The following DUSP4 variants were observed in gnomAD, a reference collection of about 807,000 sequenced individuals.
The protein encoded by DUSP4 is dual specificity phosphatase 4, also known as dual specificity protein phosphatase 4.
Under a neutral mutation model 27.2 loss-of-function variants are expected in DUSP4, and 12 were observed. The ratio of observed to expected loss-of-function variants is 0.44; its 90% confidence interval spans 0.28 to 0.71. The LOEUF (loss-of-function observed/expected upper bound fraction) is 0.71. DUSP4 is among the 30% of genes least tolerant of loss of function. The pLI, the probability that DUSP4 is intolerant of heterozygous loss-of-function variation, is 0.14. For missense variants in DUSP4, 448 were observed against 551.3 expected, an observed-to-expected ratio of 0.81 and a Z score of 1.88; for synonymous variants, 257 against 245.2, an observed-to-expected ratio of 1.05 and a Z score of -0.45.
In DUSP4 at chr8:29,337,359, G is replaced by A; in HGVS notation, c.852C>T (p.Ile284=). The change falls in exon 4 of 4, where the codon ATC becomes ATT. Residue 284 remains isoleucine, a synonymous_variant. Coordinates refer to ENST00000240100, the MANE Select transcript of DUSP4 (RefSeq NM_001394.7). The surrounding 1 kb of genome is among the most constrained non-coding windows in gnomAD (Gnocchi z 6.4). ...CCAGGCAGATGGTGGCCGACCGCGA[G>A]ATGCCCGCCTGGCAGTGCACCAGCA... ...GRVLVHCQAG[I]SRSATICLAY... The A allele has an allele frequency of 6.2e-7, 1 of 1,611,020 alleles. No homozygotes were observed.
chr8:29,342,468 C>T (rs754897772), intron 1 of DUSP4, among the ~76,000 whole-genome samples: 5 of 152,072 alleles, frequency 3.3e-5, no homozygotes, highest in African/African-American at 4.8e-5. Context: ...GGGGTGCCCT[C>T]GGATGCCCTC....
intron 1 of DUSP4, among the ~76,000 whole-genome samples, chr8:29,342,261 T>A (rs1300768589): frequency 1.3e-5 from 2 of 152,184 alleles, no homozygotes; most frequent in African/African-American, 4.8e-5. Context: ...GGCTCTGCCA[T>A]GAGGTTGCAC....
intron 1 of DUSP4, among the ~76,000 whole-genome samples, chr8:29,341,739 G>A (rs867920422): frequency 6.6e-6 from 1 of 152,264 alleles, no homozygotes. Flanking sequence ...CACCACTGCT[G>A]CCCAAAATGC....
Position 29,349,998 on chromosome 8 carries a change from C to G in DUSP4, c.281G>C (p.Arg94Pro). The G allele has an allele frequency of 1.3e-6, 2 of 1,595,222 alleles. No homozygotes were observed. Among genetic ancestry groups the G allele is most frequent in the South Asian group, 1.1e-5 (1 of 89,584 alleles). ...GTAGAGGCCGGAGCGCAAGCGGGCGCGTACCTCCTCCTCGGCGGGCAGGAT... is the reference window on the plus strand; with the variant it reads ...GTAGAGGCCGGAGCGCAAGCGGGCGGGTACCTCCTCCTCGGCGGGCAGGAT... ...EQILPAEEEVRARLRSGLYSA... is the reference protein window; with the variant it reads ...EQILPAEEEVPARLRSGLYSA... The change falls in exon 1 of 4, where the codon CGC becomes CCC. Residue 94 changes from arginine to proline, a missense_variant. Around this residue, in one of 3 missense-constraint regions of DUSP4, gnomAD observed 345 missense variants for 394.0 expected, o/e 0.88. Transcript: ENST00000240100.
chr8:29,345,941 A>ATATTTGCAAGCAGAAAGGCTATT (rs148467060), intron 1 of DUSP4: 4 of 987,990 alleles, frequency 4.0e-6, no homozygotes, highest in Non-Finnish European at 4.8e-6. Flanking sequence ...AGAAACTACC[A>ATATTTGCAAGCAGAAAGGCTATT]TATTTGCAAG....
Position 29,350,333 on chromosome 8 carries a change from C to A in DUSP4, c.-55G>T. 1 of 1,508,932 alleles carries A rather than the reference C, an allele frequency of 6.6e-7. No individual in the cohort carries two copies. 93.5% of individuals were successfully genotyped at this position (1,508,932 alleles called of 1,614,324 possible). A position where few individuals can be genotyped will look rare whatever the true frequency, so the allele number is the denominator to read the frequency against. On this transcript the variant is annotated 5_prime_UTR_variant, in exon 1 of 4. Transcript: ENST00000240100. ...GCGAGGAAGAGAAGAGAACCCGGGC[C>A]GCCTAGGCTGCAGAAAGGGGCGGGC...
Position 29,350,510 on chromosome 8 carries a change from G to A in DUSP4, c.-232C>T. On this transcript the variant is annotated 5_prime_UTR_variant, in exon 1 of 4. Transcript: ENST00000240100. ...CCTCGGGCGCCCAGCCGGGCGGCGCGCAGAGCGGAGGGGGAGGCGCCGGTG... is the reference window on the plus strand; with the variant it reads ...CCTCGGGCGCCCAGCCGGGCGGCGCACAGAGCGGAGGGGGAGGCGCCGGTG... 3.6e-6 allele frequency: 2 copies of A among 550,426 alleles called. No individual in the cohort carries two copies. The highest frequency in any genetic ancestry group is 3.5e-5 in the Admixed American group (1 of 28,436). 34.1% of individuals were successfully genotyped at this position (550,426 alleles called of 1,614,324 possible).
At chr8:29,345,564 C>G (rs762503037) in intron 1 of DUSP4, 1 of 1,524,530 alleles carries the variant, frequency 6.6e-7, no homozygotes, top group East Asian at 2.5e-5. Flanking sequence ...AACTGCCTCC[C>G]GGTAAGGAAA....
Position 29,349,960 on chromosome 8 carries a change from CGAT to C in DUSP4, c.316_318del (p.Ile106del). The C allele has an allele frequency of 1.3e-6, 2 of 1,588,208 alleles. No individual in the cohort carries two copies. Among genetic ancestry groups the C allele is most frequent in the Non-Finnish European group, 1.7e-6 (2 of 1,171,468 alleles). On this transcript the variant is annotated inframe_deletion, in exon 1 of 4. Transcript: ENST00000240100. Reference sequence around the variant, plus strand: ...GCGCGCGGGCTGCGCTCGTCGTAGACGATGACCGCCGAGTAGAGGCCGGAGCGC... The same window carrying C: ...GCGCGCGGGCTGCGCTCGTCGTAGACGACCGCCGAGTAGAGGCCGGAGCGC...
rs985146306 is a variant in DUSP4 at position 29,337,523 on chromosome 8, T to C, written c.800-112A>G. The C allele has an allele frequency of 4.0e-5, 57 of 1,430,334 alleles. No individual in the cohort carries two copies. Among genetic ancestry groups the C allele is most frequent in the Non-Finnish European group, 5.1e-5 (55 of 1,077,326 alleles). The allele number at this position is 1,430,334 out of a possible 1,614,324, so 88.6% of individuals were successfully genotyped here. A position where few individuals can be genotyped will look rare whatever the true frequency, so the allele number is the denominator to read the frequency against. On this transcript the variant is annotated intron_variant, in intron 3 of 3. Coordinates refer to ENST00000240100, the MANE Select transcript of DUSP4 (RefSeq NM_001394.7). The surrounding 1 kb of genome is among the most constrained non-coding windows in gnomAD (Gnocchi z 6.4). ...GCTCTGAAGGAAGGACTAGCCGTGC[T>C]AGACCAAGGACTGGAGAGGAAGAAA...
Position 29,337,990 on chromosome 8 carries a change from C to T in DUSP4, c.799+292G>A, listed in dbSNP as rs1393958377. Reference sequence around the variant, plus strand: ...AATAGAAATAAAATAAAAACTATGACTCAATGCTCCTTGTGTCTTCCTCCC... The same window carrying T: ...AATAGAAATAAAATAAAAACTATGATTCAATGCTCCTTGTGTCTTCCTCCC... On this transcript the variant is annotated intron_variant, in intron 3 of 3. Coordinates refer to ENST00000240100, the MANE Select transcript of DUSP4 (RefSeq NM_001394.7). This position sits in a 1 kb window ranked among gnomAD's most constrained non-coding sequence, Gnocchi z 6.4. Among the ~76,000 whole-genome samples the T allele has an allele frequency of 1.3e-5, 2 of 152,100 alleles. No individual in the cohort carries two copies. The highest frequency in any genetic ancestry group is 2.9e-5 in the Non-Finnish European group (2 of 68,016).
chr8:29,338,383 G>C lies in DUSP4; in HGVS notation c.698C>G (p.Pro233Arg). ...CTGATAGTGTCCTTCAAAGTGGTTT[G>C]GGCAGTCCGAGGAGACATTCAACAG... is the stretch of plus-strand genomic sequence containing the variant. ...TALLNVSSDCPNHFEGHYQYK... is the reference protein window; with the variant it reads ...TALLNVSSDCRNHFEGHYQYK... The change falls in exon 3 of 4, where the codon CCA becomes CGA. Residue 233 changes from proline to arginine, a missense_variant. Physicochemically the swap from Pro to Arg is moderately radical, Grantham distance 103 (BLOSUM62 -2). Around this residue, in one of 3 missense-constraint regions of DUSP4, gnomAD observed 345 missense variants for 394.0 expected, o/e 0.88. Coordinates refer to ENST00000240100, the MANE Select transcript of DUSP4 (RefSeq NM_001394.7). 1 of 1,614,152 alleles carries C rather than the reference G, an allele frequency of 6.2e-7. No individual in the cohort carries two copies. Among genetic ancestry groups the C allele is most frequent in the Non-Finnish European group, 8.5e-7 (1 of 1,180,030 alleles).
chr8:29,340,202 A>G lies in DUSP4; in HGVS notation c.475T>C (p.Ser159Pro). 6.2e-7 allele frequency: 1 copy of G among 1,613,510 alleles called. No individual in the cohort carries two copies. Among genetic ancestry groups the G allele is most frequent in the Non-Finnish European group, 8.5e-7 (1 of 1,179,802 alleles). Reference sequence around the variant, plus strand: ...ATGGCTGCCAGGGCCTTGGTTTTAGAACAGAATTCTGGGTACTCGGAGGAA... The same window carrying G: ...ATGGCTGCCAGGGCCTTGGTTTTAGGACAGAATTCTGGGTACTCGGAGGAA... ...RFSSEYPEFC[S>P]KTKALAAIPP... is the part of the protein sequence containing the mutation. The change falls in exon 2 of 4, where the codon TCT (serine) becomes CCT (proline). Residue 159 changes from serine to proline, a missense_variant. Physicochemically the swap from Ser to Pro is moderately conservative, Grantham distance 74. Around this residue, in one of 3 missense-constraint regions of DUSP4, gnomAD observed 345 missense variants for 394.0 expected, o/e 0.88. Transcript: ENST00000240100.
intron 1 of DUSP4, among the ~76,000 whole-genome samples, chr8:29,344,407 TA>T (rs527710242): frequency 6.6e-5 from 10 of 152,268 alleles, no homozygotes; most frequent in Non-Finnish European, 1.3e-4. Flanking sequence ...CTACTGAATG[TA>T]ATTCCATAAG....
At chr8:29,349,010 C>T (rs1279982233) in intron 1 of DUSP4, among the ~76,000 whole-genome samples, 2 of 152,220 alleles carry the variant, frequency 1.3e-5, no homozygotes, top group Admixed American at 6.5e-5. Flanking sequence ...CGCGATTTTT[C>T]CAGGATTTCC....
chr8:29,342,791 GA>G (rs1044681182), intron 1 of DUSP4, among the ~76,000 whole-genome samples: 1 of 152,192 alleles, frequency 6.6e-6, no homozygotes, highest in Admixed American at 6.5e-5. Flanking sequence ...CAACTGTCTG[GA>G]AAAGGCACCA....
At chr8:29,341,363 T>C (rs1817653602) in intron 1 of DUSP4, among the ~76,000 whole-genome samples, 1 of 152,240 alleles carries the variant, frequency 6.6e-6, no homozygotes, top group Non-Finnish European at 1.5e-5. Flanking sequence ...TTTTCCAATG[T>C]GCAGACATGT....
intron 1 of DUSP4, chr8:29,348,386 C>G: frequency 3.0e-6 from 3 of 985,666 alleles, no homozygotes; most frequent in Non-Finnish European, 3.6e-6. Flanking sequence ...CCGGGACAAG[C>G]CCCTTCCTGG....
intron 1 of DUSP4, among the ~76,000 whole-genome samples, chr8:29,344,835 T>C (rs576515321): frequency 6.6e-6 from 1 of 151,914 alleles, no homozygotes; most frequent in South Asian, 2.1e-4. Context: ...ATGGATCTTT[T>C]TTTTTTTTTT....
Sources: gnomAD v4.1 joint callset for allele counts (sites outside exome capture counted in the v4.1 genomes callset) on GRCh38, gnomAD v4.1.1 for gene constraint, gnomAD v4.1.1 regional missense constraint, Gnocchi (gnomAD v3.1) non-coding constraint, MANE v1.5 for transcripts, NCBI Gene and HGNC (gene_info 2026-07-23, HGNC 2026-07-21) for gene names.